Variants in BTRC observed in about 807,000 individuals in gnomAD.
BTRC encodes the protein beta-transducin repeat containing E3 ubiquitin protein ligase.
Under a neutral mutation model 85.5 loss-of-function variants are expected in BTRC, and 42 were observed. The observed-to-expected ratio is 0.49, with a 90% CI of 0.38 to 0.64. BTRC has a LOEUF of 0.64. BTRC is among the 30% of genes least tolerant of loss of function. The pLI is 0.00. For missense variants in BTRC, 594 were observed against 743.5 expected, an observed-to-expected ratio of 0.80 and a Z score of 2.34; for synonymous variants, 255 against 263.3, an observed-to-expected ratio of 0.97 and a Z score of 0.30.
intron 1 of BTRC, among the ~76,000 whole-genome samples, chr10:101,360,571 A>G (rs1372599540): frequency 6.1e-5 from 9 of 148,334 alleles, no homozygotes; most frequent in African/African-American, 2.3e-4. Context: ...GGGTTTCACC[A>G]TGTTGGCCAG....
chr10:101,376,322 C>A (rs1942790050), intron 1 of BTRC, among the ~76,000 whole-genome samples: 1 of 152,198 alleles, frequency 6.6e-6, no homozygotes, highest in Non-Finnish European at 1.5e-5. Flanking sequence ...AAGACTCCAT[C>A]TCAACAACAA....
chr10:101,549,167 GCCCACA>G (rs1203141995), intron 13 of BTRC, among the ~76,000 whole-genome samples: 1 of 150,974 alleles, frequency 6.6e-6, no homozygotes, highest in Non-Finnish European at 1.5e-5. Flanking sequence ...AGGCACAGTG[GCCCACA>G]CCTATAATCT....
chr10:101,536,513 A>C lies in BTRC; in HGVS notation c.1467-30A>C, dbSNP rs368249665. On this transcript the variant is annotated intron_variant, in intron 11 of 14. Coordinates refer to ENST00000370187, the MANE Select transcript of BTRC (RefSeq NM_033637.4). ...TCCAGGCTTAGAAAAGAATACGTGAAAATTCACCTGACTTAATTTTCTCTT... is the reference window on the plus strand; with the variant it reads ...TCCAGGCTTAGAAAAGAATACGTGACAATTCACCTGACTTAATTTTCTCTT... 4.0e-4 allele frequency: 613 copies of C among 1,540,022 alleles called. 1 individual carries two copies. The highest frequency in any genetic ancestry group is 5.4e-4 in the Admixed American group (32 of 59,794).
rs1945948775 is a variant in BTRC, at chr10:101,485,169, A to G, written c.324+5712A>G. Among the ~76,000 whole-genome samples, 3 of 152,178 alleles carry G rather than the reference A, an allele frequency of 2.0e-5. No homozygotes were observed. The South Asian group carries it at 6.2e-4, about 31-fold the overall frequency. On this transcript the variant is annotated intron_variant, in intron 4 of 14. Coordinates refer to ENST00000370187, the MANE Select transcript of BTRC (RefSeq NM_033637.4). ...CTGTGTTAAAGTTGGTAAAATTTAAACCATTTTCAACCAAAAAGAGACTTA... is the reference window on the plus strand; with the variant it reads ...CTGTGTTAAAGTTGGTAAAATTTAAGCCATTTTCAACCAAAAAGAGACTTA...
At chr10:101,488,294 G>T (rs751829547) in intron 4 of BTRC, among the ~76,000 whole-genome samples, 1 of 152,080 alleles carries the variant, frequency 6.6e-6, no homozygotes, top group Non-Finnish European at 1.5e-5. Flanking sequence ...TCCTGATTCT[G>T]TTTATTAGAA....
At chr10:101,522,556 G>A (rs1246958534) in intron 5 of BTRC, among the ~76,000 whole-genome samples, 3 of 151,016 alleles carry the variant, frequency 2.0e-5, no homozygotes, top group Non-Finnish European at 4.4e-5. Flanking sequence ...GAGTAGCTGG[G>A]ACTACAGGCA....
intron 1 of BTRC, among the ~76,000 whole-genome samples, chr10:101,393,074 G>GT (rs2133985316): frequency 6.6e-6 from 1 of 152,174 alleles, no homozygotes; most frequent in African/African-American, 2.4e-5. Context: ...CACTGAGAGG[G>GT]TCCCACCTCA....
In BTRC at chr10:101,474,180, A is replaced by G. The variant is rs113554149; in HGVS notation, c.235-5188A>G. On this transcript the variant is annotated intron_variant, in intron 3 of 14. Transcript: ENST00000370187. ...TTCTCATTTTTAGTAATTTTTGATC[A>G]TATAACCAACATTATAAATGGTACA... Among the ~76,000 whole-genome samples, 757 of 152,236 alleles carry G rather than the reference A, an allele frequency of 5.0e-3. 8 individuals carry two copies. Among genetic ancestry groups the G allele is most frequent in the African/African-American group, 0.017 (712 of 41,534 alleles).
chr10:101,383,838 T>C (rs1180473016), intron 1 of BTRC, among the ~76,000 whole-genome samples: 2 of 152,204 alleles, frequency 1.3e-5, no homozygotes, highest in Non-Finnish European at 2.9e-5. Context: ...TTCAAAATTA[T>C]CTATGTTGTA....
intron 4 of BTRC, among the ~76,000 whole-genome samples, chr10:101,502,532 T>C (rs1435017015): frequency 6.6e-6 from 1 of 152,162 alleles, no homozygotes; most frequent in Non-Finnish European, 1.5e-5. Context: ...CTTTTGGGAG[T>C]TCAGTTTTAC....
chr10:101,404,019 TATATATA>T (rs1428177411), intron 1 of BTRC, among the ~76,000 whole-genome samples: 2 of 27,640 alleles, frequency 7.2e-5, no homozygotes, highest in African/African-American at 2.4e-4. Context: ...TATATATATA[TATATATA>T]TATATTTTTT....
At chr10:101,537,784 T>A (rs1288541268) in intron 12 of BTRC, among the ~76,000 whole-genome samples, 1 of 152,226 alleles carries the variant, frequency 6.6e-6, no homozygotes, top group African/African-American at 2.4e-5. Flanking sequence ...TGTTCCAGCT[T>A]GGTCAAGACA....
At chr10:101,422,870 T>A (rs1944142876) in intron 1 of BTRC, among the ~76,000 whole-genome samples, 1 of 152,244 alleles carries the variant, frequency 6.6e-6, no homozygotes, top group Admixed American at 6.5e-5. Context: ...TGGTTACTGT[T>A]GCCTTGTAGT....
At chr10:101,375,294 TC>T (rs1204861373) in intron 1 of BTRC, among the ~76,000 whole-genome samples, 2 of 152,022 alleles carry the variant, frequency 1.3e-5, no homozygotes, top group Non-Finnish European at 2.9e-5. Flanking sequence ...CTTCTCTTCT[TC>T]CTGCTTCGGC....
At position 101,454,228 on chromosome 10, in the gene BTRC, G is replaced by A. The variant is rs544930465; in HGVS notation, c.157-7753G>A. Among the ~76,000 whole-genome samples the A allele has an allele frequency of 2.0e-5, 3 of 152,338 alleles. No homozygotes were observed. The South Asian group carries it at 6.2e-4, about 32-fold the overall frequency. On this transcript the variant is annotated intron_variant, in intron 2 of 14. Coordinates refer to ENST00000370187, the MANE Select transcript of BTRC (RefSeq NM_033637.4). ...CGTAATGTGTTAGTGGGTAGAGGGA[G>A]CTACAAAGACTTTTCCCAGTAATCT...
chr10:101,537,053 T>C (rs942699765), intron 12 of BTRC, among the ~76,000 whole-genome samples: 2 of 152,184 alleles, frequency 1.3e-5, no homozygotes, highest in African/African-American at 2.4e-5. Flanking sequence ...TTTTGATTTC[T>C]TGGGTTTTTT....
At chr10:101,423,746 A>G (rs982147566) in intron 1 of BTRC, among the ~76,000 whole-genome samples, 6 of 152,174 alleles carry the variant, frequency 3.9e-5, no homozygotes, top group African/African-American at 9.7e-5. Context: ...ATCTAGTACA[A>G]TGCCTGGCAG....
At chr10:101,518,808 A>AG (rs2062059653) in intron 4 of BTRC, among the ~76,000 whole-genome samples, 1 of 151,962 alleles carries the variant, frequency 6.6e-6, no homozygotes, top group African/African-American at 2.4e-5. Flanking sequence ...TTCATGTCTG[A>AG]GTTAAAATGT....
intron 3 of BTRC, among the ~76,000 whole-genome samples, chr10:101,478,038 G>T (rs990430798): frequency 2.0e-5 from 3 of 152,098 alleles, no homozygotes; most frequent in African/African-American, 7.2e-5. Context: ...GGCTGCTCTT[G>T]CCTGTAATCC....
Sources: gnomAD v4.1 joint callset for allele counts (sites outside exome capture counted in the v4.1 genomes callset) on GRCh38, gnomAD v4.1.1 for gene constraint, MANE v1.5 for transcripts, NCBI Gene and HGNC (gene_info 2026-07-23, HGNC 2026-07-21) for gene names.